WDFY3: variants seen among roughly 807,000 people sequenced by gnomAD.
WDFY3 encodes the protein WD repeat and FYVE domain-containing protein 3.
A neutral mutation model predicts 409.6 loss-of-function variants in WDFY3; 66 were observed. The ratio of observed to expected loss-of-function variants is 0.16; its 90% CI spans 0.13 to 0.20. The LOEUF is 0.20. Ranked by LOEUF, WDFY3 falls within the 10% of genes least tolerant of loss-of-function variation. The pLI is 1.00. For missense variants in WDFY3, 3,031 were observed against 4,298.1 expected (o/e 0.71, Z 8.24); for synonymous variants, 1,521 against 1,537.1 (o/e 0.99, Z 0.25).
chr4:84,681,616 C>T (rs1308555888), intron 64 of WDFY3, among the ~76,000 whole-genome samples: 2 of 152,200 alleles, frequency 1.3e-5, no homozygotes, highest in Non-Finnish European at 2.9e-5. Flanking sequence ...TCATCAAAGT[C>T]ACACTGAATT....
intron 4 of WDFY3, among the ~76,000 whole-genome samples, chr4:84,850,931 T>TG (rs1758886700): frequency 2.5e-5 from 1 of 40,016 alleles, no homozygotes; most frequent in Non-Finnish European, 5.3e-5. Flanking sequence ...TTTATCTGTT[T>TG]TTTTTTTTTT....
In WDFY3 at chr4:84,873,792, G is replaced by T. The variant is rs530680891; in HGVS notation, c.-31-13170C>A. Reference sequence around the variant, plus strand: ...TTTTGTGTTTTTTTTTTGTTTGTTTGTTTGTTTTGAGACAGGGTCTCAATC... The same window carrying T: ...TTTTGTGTTTTTTTTTTGTTTGTTTTTTTGTTTTGAGACAGGGTCTCAATC... On this transcript the variant is annotated intron_variant, in intron 3 of 67. Coordinates refer to ENST00000295888, the MANE Select transcript of WDFY3 (RefSeq NM_014991.6). Among the ~76,000 whole-genome samples the T allele has an allele frequency of 2.3e-3, 351 of 150,658 alleles. 2 individuals carry two copies. Among genetic ancestry groups the T allele is most frequent in the African/African-American group, 8.0e-3 (326 of 40,646 alleles).
At chr4:84,850,797 C>G (rs191287991) in intron 4 of WDFY3, among the ~76,000 whole-genome samples, 21 of 151,806 alleles carry the variant, frequency 1.4e-4, no homozygotes, top group East Asian at 5.8e-4. Flanking sequence ...CAATAATTTA[C>G]AAAACAAGGC....
chr4:84,770,055 G>A (rs994366847), intron 30 of WDFY3, among the ~76,000 whole-genome samples: 2 of 150,772 alleles, frequency 1.3e-5, no homozygotes, highest in Non-Finnish European at 2.9e-5. Flanking sequence ...TTGAGACGGA[G>A]TCTCACTCTG....
intron 2 of WDFY3, among the ~76,000 whole-genome samples, chr4:84,922,978 T>C (rs901787984): frequency 6.6e-6 from 1 of 152,346 alleles, no homozygotes; most frequent in Non-Finnish European, 1.5e-5. Flanking sequence ...GTTTGGCCTA[T>C]CTTCTATTCA....
intron 3 of WDFY3, among the ~76,000 whole-genome samples, chr4:84,871,221 G>C (rs941630340): frequency 3.3e-5 from 5 of 152,136 alleles, no homozygotes; most frequent in Non-Finnish European, 1.5e-5. Flanking sequence ...ATGGAAGCAT[G>C]ATGAGGTAGG....
chr4:84,696,597 T>A, intron 57 of WDFY3, 135 bp downstream of exon 57: 1 of 753,154 alleles, frequency 1.3e-6, no homozygotes, highest in Non-Finnish European at 2.2e-6. Context: ...GTTCTTGGGA[T>A]GTATCCCCTG....
At chr4:84,698,458 G>C (rs1730510521) in intron 56 of WDFY3, among the ~76,000 whole-genome samples, 1 of 151,430 alleles carries the variant, frequency 6.6e-6, no homozygotes, top group Non-Finnish European at 1.5e-5. Flanking sequence ...TATTTTGAAG[G>C]GACGAGGTTT....
At chr4:84,741,985 CA>C (rs878909603) in intron 37 of WDFY3, 64 bp from the exon 38 acceptor site, 3,434 of 1,254,798 alleles carry the variant, frequency 2.7e-3, no homozygotes, top group South Asian at 6.4e-3. Flanking sequence ...ACCAGATCCT[CA>C]AAAAAAAAAT....
intron 66 of WDFY3, 44 bp downstream of exon 66, chr4:84,678,124 A>G (rs374041405): frequency 1.5e-4 from 220 of 1,505,928 alleles, no homozygotes; most frequent in Non-Finnish European, 1.9e-4. Flanking sequence ...GGCTAACCAA[A>G]TGACTCAGAT....
intron 2 of WDFY3, among the ~76,000 whole-genome samples, chr4:84,931,741 T>C (rs1448430940): frequency 2.0e-5 from 3 of 152,104 alleles, no homozygotes; most frequent in Admixed American, 6.6e-5. Flanking sequence ...TGAAGAACAT[T>C]ATTGAAAAAC....
intron 27 of WDFY3, among the ~76,000 whole-genome samples, chr4:84,778,071 C>T (rs1745860113): frequency 6.6e-6 from 1 of 151,966 alleles, no homozygotes; most frequent in Non-Finnish European, 1.5e-5. Context: ...TTGATTAGGG[C>T]TTGAATTAGG....
At chr4:84,868,159 G>A (rs540711243) in intron 3 of WDFY3, among the ~76,000 whole-genome samples, 136 of 103,138 alleles carry the variant, frequency 1.3e-3, no homozygotes, top group Non-Finnish European at 1.8e-3. Context: ...GTGACAGAGC[G>A]AGACTCTGTC....
At chr4:84,859,689 C>T (rs1157096813) in intron 4 of WDFY3, among the ~76,000 whole-genome samples, 1 of 152,160 alleles carries the variant, frequency 6.6e-6, no homozygotes, top group African/African-American at 2.4e-5. Context: ...GATTCTCCTG[C>T]CTCAGCCTCC....
rs958474174 is a variant in WDFY3, at chr4:84,892,840, C to T, written c.-32+4071G>A. Among the ~76,000 whole-genome samples the T allele has an allele frequency of 4.6e-5, 7 of 152,142 alleles. No individual in the cohort carries two copies. In the South Asian group the frequency reaches 1.5e-3, roughly 32 times the overall value. ...ATGGTTATGAAAATAATTCAGTAAG[C>T]TTTGGAAATAGAATGTTCCCAGGGT... On this transcript the variant is annotated intron_variant, in intron 3 of 67. Transcript: ENST00000295888.
chr4:84,777,784 A>G (rs1578471787), intron 27 of WDFY3, among the ~76,000 whole-genome samples: 1 of 152,154 alleles, frequency 6.6e-6, no homozygotes, highest in East Asian at 1.9e-4. Flanking sequence ...GATTTCCCCA[A>G]TCATAAAGCC....
At chr4:84,868,062 A>T (rs1224033039) in intron 3 of WDFY3, among the ~76,000 whole-genome samples, 1 of 150,024 alleles carries the variant, frequency 6.7e-6, no homozygotes, top group Admixed American at 6.7e-5. Context: ...CCAGCTACTC[A>T]GGAGGCTGAG....
At chr4:84,800,652 T>C (rs1394990246) in intron 17 of WDFY3, among the ~76,000 whole-genome samples, 2 of 152,196 alleles carry the variant, frequency 1.3e-5, no homozygotes, top group Non-Finnish European at 2.9e-5. Context: ...CCCAACCTTT[T>C]TGGCATCAGG....
chr4:84,816,324 C>T (rs532131865), intron 13 of WDFY3, among the ~76,000 whole-genome samples: 4 of 152,212 alleles, frequency 2.6e-5, no homozygotes, highest in Admixed American at 1.3e-4. Context: ...TTATTCACAG[C>T]AGATAAGCTG....
Sources: gnomAD v4.1 joint callset for allele counts (sites outside exome capture counted in the v4.1 genomes callset) on GRCh38, gnomAD v4.1.1 for gene constraint, MANE v1.5 for transcripts, NCBI Gene and HGNC (gene_info 2026-07-23, HGNC 2026-07-21) for gene names.